CEP128: variants seen among roughly 807,000 people sequenced by gnomAD.
CEP128 encodes centrosomal protein 128kDa.
A neutral mutation model predicts 156.7 loss-of-function variants in CEP128; 132 were observed. That is an observed-to-expected ratio of 0.84 (90% CI 0.73 to 0.97). CEP128 has a LOEUF of 0.97. CEP128 is among the 50% of genes least tolerant of loss of function. CEP128 has a pLI of 0.00. For missense variants in CEP128, 1,252 were observed against 1,281.9 expected (o/e 0.98, Z 0.36); for synonymous variants, 469 against 448.9 (o/e 1.04, Z -0.57).
At chr14:80,834,389 T>A (rs966466448) in intron 12 of CEP128, among the ~76,000 whole-genome samples, 1 of 152,144 alleles carries the variant, frequency 6.6e-6, no homozygotes, top group African/African-American at 2.4e-5. Context: ...AAATTGGAAT[T>A]GCTAGCAAAT....
chr14:80,833,297 T>C (rs1885905708), intron 12 of CEP128, among the ~76,000 whole-genome samples: 1 of 151,706 alleles, frequency 6.6e-6, no homozygotes, highest in Admixed American at 6.6e-5. Flanking sequence ...TATGAAGGCA[T>C]GTATGTATAC....
At chr14:80,671,202 A>T (rs1895827696) in intron 19 of CEP128, among the ~76,000 whole-genome samples, 1 of 152,202 alleles carries the variant, frequency 6.6e-6, no homozygotes, top group Non-Finnish European at 1.5e-5. Flanking sequence ...ATCAGACATA[A>T]CACATTAAAA....
intron 2 of CEP128, among the ~76,000 whole-genome samples, chr14:80,957,470 A>G (rs566078646): frequency 6.6e-6 from 1 of 152,176 alleles, no homozygotes; most frequent in Non-Finnish European, 1.5e-5. Context: ...AAAAAACAAA[A>G]AAAAAAAAAC....
chr14:80,604,729 C>T (rs188133660), intron 19 of CEP128, among the ~76,000 whole-genome samples: 2 of 152,120 alleles, frequency 1.3e-5, no homozygotes, highest in Non-Finnish European at 2.9e-5. Context: ...TATTACAGTT[C>T]ATTGTTATGC....
chr14:80,729,058 G>GTGGGTGTGT (rs1344457542), intron 19 of CEP128, among the ~76,000 whole-genome samples: 1 of 105,024 alleles, frequency 9.5e-6, no homozygotes, highest in Admixed American at 1.0e-4. Flanking sequence ...GGCTGGTGGG[G>GTGGGTGTGT]GTGTGTGTGT....
chr14:80,505,628 G>A (rs757976154), intron 23 of CEP128, among the ~76,000 whole-genome samples: 8 of 152,080 alleles, frequency 5.3e-5, no homozygotes, highest in Non-Finnish European at 1.2e-4. Flanking sequence ...TTTACTAAAT[G>A]AAAATGAACC....
chr14:80,857,248 G>C, intron 9 of CEP128, among the ~76,000 whole-genome samples: 1 of 115,854 alleles, frequency 8.6e-6, no homozygotes, highest in African/African-American at 3.3e-5. Flanking sequence ...TTTTTTTGTT[G>C]TGTGTTTACA....
At chr14:80,684,012 A>G (rs1309658712) in intron 19 of CEP128, among the ~76,000 whole-genome samples, 1 of 152,154 alleles carries the variant, frequency 6.6e-6, no homozygotes, top group African/African-American at 2.4e-5. Flanking sequence ...TCTCAAATTA[A>G]CAATCTCACT....
intron 2 of CEP128, among the ~76,000 whole-genome samples, chr14:80,933,797 G>C (rs370753862): frequency 1.8e-4 from 27 of 152,290 alleles, no homozygotes; most frequent in Middle Eastern, 3.4e-3. Flanking sequence ...AAATGCTTAG[G>C]TGAGGACGAT....
chr14:80,724,806 GT>G (rs1167252713), intron 19 of CEP128, among the ~76,000 whole-genome samples: 2 of 151,562 alleles, frequency 1.3e-5, no homozygotes, highest in African/African-American at 4.8e-5. Flanking sequence ...GAGGCTTAAT[GT>G]TTTTTTCTTT....
At chr14:80,718,769 A>G (rs894392600) in intron 19 of CEP128, among the ~76,000 whole-genome samples, 1 of 152,234 alleles carries the variant, frequency 6.6e-6, no homozygotes, top group Non-Finnish European at 1.5e-5. Context: ...ACAAGAGGGC[A>G]TGAAAAGCTG....
chr14:80,769,821 AT>A (rs1423850850), intron 16 of CEP128, among the ~76,000 whole-genome samples: 1 of 152,194 alleles, frequency 6.6e-6, no homozygotes. Flanking sequence ...AACAATTTAA[AT>A]GCTGATGAAA....
chr14:80,679,482 G>A (rs920809347), intron 19 of CEP128, among the ~76,000 whole-genome samples: 3 of 152,108 alleles, frequency 2.0e-5, no homozygotes, highest in South Asian at 2.1e-4. Context: ...ACTGAAATAC[G>A]CCCTGGTCTC....
At chr14:80,633,088 A>ATGG (rs1416307143) in intron 19 of CEP128, among the ~76,000 whole-genome samples, 2 of 151,926 alleles carry the variant, frequency 1.3e-5, no homozygotes, top group Non-Finnish European at 2.9e-5. Context: ...TTAGCTGGGT[A>ATGG]TGGTGATGTG....
intron 13 of CEP128, among the ~76,000 whole-genome samples, chr14:80,823,647 T>C (rs564946651): frequency 1.3e-3 from 202 of 151,488 alleles, no homozygotes; most frequent in Non-Finnish European, 2.2e-3. Context: ...TTTGATTCCA[T>C]GTCTCACAAC....
Position 80,899,950 on chromosome 14 carries a change from G to A in CEP128, c.560C>T (p.Ser187Phe), listed in dbSNP as rs1883437675. 3 of 1,612,388 alleles carry A rather than the reference G, an allele frequency of 1.9e-6. No individual in the cohort carries two copies. The highest frequency in any genetic ancestry group is 2.5e-6 in the Non-Finnish European group (3 of 1,178,774). Reference protein sequence around the residue: ...RLGDDFNRELSRRSRSDAETK... With the variant: ...RLGDDFNRELFRRSRSDAETK... ...AGGCTGCTTTTACCGGCTCCTTCTGGAAAGCTCCCTGTTGAAATCATCTCC... is the reference window on the plus strand; with the variant it reads ...AGGCTGCTTTTACCGGCTCCTTCTGAAAAGCTCCCTGTTGAAATCATCTCC... Residue 187 changes from serine (S) to phenylalanine (F), a missense_variant, in exon 7 of 25, where the codon TCC becomes TTC. By Grantham distance (155) the Ser-to-Phe change is radical. Transcript: ENST00000555265.
At position 80,522,234 on chromosome 14, in the gene CEP128, G is replaced by GAAGA. The variant is rs1888777565; in HGVS notation, c.3072+4631_3072+4634dup. On this transcript the variant is annotated intron_variant, in intron 23 of 24. Coordinates refer to ENST00000555265, the MANE Select transcript of CEP128 (RefSeq NM_152446.5). The stretch of plus-strand genomic sequence containing the variant: ...GCATGCTTTAGAAGCTACTGTTGTA[G>GAAGA]AAGATTTAAGATATGTACAGAAATA... Among the ~76,000 whole-genome samples, 4 of 152,334 alleles carry GAAGA rather than the reference G, an allele frequency of 2.6e-5. No individual in the cohort carries two copies. The South Asian group carries it at 8.3e-4, about 32-fold the overall frequency.
intron 13 of CEP128, among the ~76,000 whole-genome samples, chr14:80,810,302 G>T (rs1267051034): frequency 1.2e-4 from 11 of 93,568 alleles, no homozygotes; most frequent in African/African-American, 3.6e-4. Flanking sequence ...CAGCCTGGGC[G>T]ACAGAGCAAG....
chr14:80,569,228 C>T (rs762002793), intron 20 of CEP128, among the ~76,000 whole-genome samples: 18 of 152,058 alleles, frequency 1.2e-4, no homozygotes, highest in Non-Finnish European at 2.2e-4. Flanking sequence ...TTAAAATGGT[C>T]CCCCAAATAA....
Sources: gnomAD v4.1 joint callset for allele counts (sites outside exome capture counted in the v4.1 genomes callset) on GRCh38, gnomAD v4.1.1 for gene constraint, MANE v1.5 for transcripts, NCBI Gene and HGNC (gene_info 2026-07-23, HGNC 2026-07-21) for gene names.